Variants in CDKN2B-AS1 observed in about 807,000 individuals in gnomAD.
CDKN2B-AS1 encodes CDKN2B antisense RNA 1 (non-protein coding).
chr9:22,089,267 A>G (rs1182937415), intron 4 of CDKN2B-AS1, among the ~76,000 whole-genome samples: 2 of 152,200 alleles, frequency 1.3e-5, no homozygotes, highest in Non-Finnish European at 2.9e-5. Flanking sequence ...ATTTCAGTGG[A>G]TACTTGATCA....
chr9:22,009,732 A>C (rs1821406701), intron 1 of CDKN2B-AS1, among the ~76,000 whole-genome samples: 1 of 152,154 alleles, frequency 6.6e-6, no homozygotes, highest in African/African-American at 2.4e-5. Flanking sequence ...ACAGCTCTGC[A>C]CCTGTCATAC....
At chr9:22,055,342 G>A (rs563613397) in intron 3 of CDKN2B-AS1, among the ~76,000 whole-genome samples, 2 of 152,212 alleles carry the variant, frequency 1.3e-5, no homozygotes, top group East Asian at 3.9e-4. Flanking sequence ...ACCAAGGCTT[G>A]GATTAGGACA....
intron 1 of CDKN2B-AS1, among the ~76,000 whole-genome samples, chr9:22,015,364 C>T (rs1411819327): frequency 6.6e-6 from 1 of 152,074 alleles, no homozygotes; most frequent in Non-Finnish European, 1.5e-5. Context: ...TCTACACTGT[C>T]TTGATTAAGG....
intron 4 of CDKN2B-AS1, among the ~76,000 whole-genome samples, chr9:22,116,727 T>C (rs1423398564): frequency 6.6e-6 from 1 of 152,104 alleles, no homozygotes; most frequent in African/African-American, 2.4e-5. Context: ...ATTGGAGAAA[T>C]AGGCAGTGCT....
At chr9:22,010,408 G>C (rs1821438540) in intron 1 of CDKN2B-AS1, among the ~76,000 whole-genome samples, 1 of 152,180 alleles carries the variant, frequency 6.6e-6, no homozygotes, top group South Asian at 2.1e-4. Flanking sequence ...TCCTAAAAGT[G>C]AACAATTTTT....
chr9:22,028,041 T>C (rs1587424113), intron 1 of CDKN2B-AS1, among the ~76,000 whole-genome samples: 1 of 152,258 alleles, frequency 6.6e-6, no homozygotes, highest in East Asian at 1.9e-4. Context: ...TAGATTACTC[T>C]GAATCTAATC....
chr9:22,073,029 C>T (rs752963552), intron 4 of CDKN2B-AS1, among the ~76,000 whole-genome samples: 1 of 152,086 alleles, frequency 6.6e-6, no homozygotes, highest in South Asian at 2.1e-4. Flanking sequence ...TATTACAGAC[C>T]ATTCCTTTTT....
chr9:22,052,336 G>C (rs1002453798), intron 3 of CDKN2B-AS1, among the ~76,000 whole-genome samples: 1 of 152,130 alleles, frequency 6.6e-6, no homozygotes, highest in South Asian at 2.1e-4. Flanking sequence ...AAAAGCTAGA[G>C]TCACATTTTA....
intron 1 of CDKN2B-AS1, among the ~76,000 whole-genome samples, chr9:22,021,428 G>A (rs1587413083): frequency 6.6e-6 from 1 of 152,240 alleles, no homozygotes; most frequent in Middle Eastern, 3.4e-3. Flanking sequence ...GGTTCCATAT[G>A]ACTTTTAAAA....
chr9:22,077,702 C>T (rs945483767), intron 4 of CDKN2B-AS1: 3 of 152,160 alleles, frequency 2.0e-5, no homozygotes, highest in Admixed American at 6.5e-5. Flanking sequence ...CTAGGAATTT[C>T]CTACGAAGCT....
chr9:22,032,741 C>G (rs1822529634), intron 1 of CDKN2B-AS1: 2 of 151,860 alleles, frequency 1.3e-5, no homozygotes, highest in Admixed American at 6.6e-5. Context: ...ATTTTTCCTG[C>G]AGGGATTCCC....
intron 3 of CDKN2B-AS1, among the ~76,000 whole-genome samples, chr9:22,050,034 A>T (rs1260068859): frequency 2.0e-5 from 3 of 152,294 alleles, no homozygotes; most frequent in East Asian, 3.9e-4. Flanking sequence ...TTTATTCTAA[A>T]ATATCCAGAT....
chr9:22,117,742 G>A (rs997085774), intron 4 of CDKN2B-AS1: 1 of 152,238 alleles, frequency 6.6e-6, no homozygotes, highest in Non-Finnish European at 1.5e-5. Context: ...ACTGACTGGG[G>A]TCACACCCAA....
intron 1 of CDKN2B-AS1, chr9:22,008,814 C>A: frequency 6.2e-7 from 1 of 1,606,154 alleles, no homozygotes; most frequent in Admixed American, 1.7e-5. Context: ...CGCGCGCCTC[C>A]CGAAACGGTT....
At chr9:22,002,429 T>A (rs1490224055) in intron 1 of CDKN2B-AS1, among the ~76,000 whole-genome samples, 1 of 151,860 alleles carries the variant, frequency 6.6e-6, no homozygotes, top group African/African-American at 2.4e-5. Flanking sequence ...AATGAGTATA[T>A]GTTTTACTGT....
chr9:22,112,446 G>A (rs1587546423), intron 4 of CDKN2B-AS1: 1 of 152,150 alleles, frequency 6.6e-6, no homozygotes, highest in Non-Finnish European at 1.5e-5. Context: ...AATTACCTGG[G>A]AAAAGTCTGA....
chr9:22,002,184 G>T (rs1333038796), intron 1 of CDKN2B-AS1, among the ~76,000 whole-genome samples: 1 of 151,964 alleles, frequency 6.6e-6, no homozygotes, highest in Admixed American at 6.5e-5. Flanking sequence ...GTCAGAATTT[G>T]GTTATGATTA....
intron 1 of CDKN2B-AS1, among the ~76,000 whole-genome samples, chr9:22,019,843 A>G (rs1162006707): frequency 2.6e-5 from 4 of 152,208 alleles, no homozygotes; most frequent in Non-Finnish European, 5.9e-5. Context: ...ATAATATTTA[A>G]TCCTAGGAAT....
At chr9:22,014,004 T>C (rs1417719455) in intron 1 of CDKN2B-AS1, among the ~76,000 whole-genome samples, 3 of 152,196 alleles carry the variant, frequency 2.0e-5, no homozygotes, top group Non-Finnish European at 4.4e-5. Flanking sequence ...TTACGTACTT[T>C]CACCAAGAGA....
Sources: allele counts gnomAD v4.1 joint callset (sites outside exome capture counted in the v4.1 genomes callset), GRCh38; gene constraint gnomAD v4.1.1; transcripts MANE v1.5; gene names NCBI Gene and HGNC (gene_info 2026-07-23, HGNC 2026-07-21).